CDK14: variants seen among roughly 807,000 people sequenced by gnomAD.
The protein encoded by CDK14 is cyclin dependent kinase 14, also known as cyclin-dependent kinase 14.
A neutral mutation model predicts 60.7 loss-of-function variants in CDK14; 34 were observed. The ratio of observed to expected loss-of-function variants is 0.56; its 90% confidence interval spans 0.43 to 0.75. The LOEUF (loss-of-function observed/expected upper bound fraction) is 0.75, where lower values mean the gene tolerates loss of function less well. Among genes scored for constraint, CDK14 ranks in the 30% least tolerant of loss-of-function variants. The pLI is 0.00. For synonymous variants in CDK14, 197 were observed against 203.7 expected (o/e 0.97, Z 0.28); for missense variants, 482 against 564.1 (o/e 0.85, Z 1.47).
chr7:91,124,340 C>T (rs543739748), intron 14 of CDK14, among the ~76,000 whole-genome samples: 39 of 152,250 alleles, frequency 2.6e-4, no homozygotes, highest in East Asian at 1.5e-3. Flanking sequence ...TAATTCTCTC[C>T]GCCATCACAT....
intron 2 of CDK14, among the ~76,000 whole-genome samples, chr7:90,649,436 T>TTTCTTTCTTTCTTTCC: frequency 7.4e-6 from 1 of 134,688 alleles, no homozygotes; most frequent in Non-Finnish European, 1.6e-5. Context: ...TTTCTTTCTC[T>TTTCTTTCTTTCTTTCC]TTCCTTCCTT....
intron 2 of CDK14, among the ~76,000 whole-genome samples, chr7:90,653,484 A>G (rs11563414): frequency 0.058 from 8,837 of 151,384 alleles, 364 homozygotes; most frequent in East Asian, 0.19. Context: ...TCTGGATCCT[A>G]GGAACCACTC....
intron 10 of CDK14, among the ~76,000 whole-genome samples, chr7:90,999,147 C>T (rs919047019): frequency 3.3e-5 from 5 of 152,006 alleles, no homozygotes; most frequent in East Asian, 3.9e-4. Context: ...GTCATCAACA[C>T]GTGAATTTGT....
intron 2 of CDK14, among the ~76,000 whole-genome samples, chr7:90,633,061 G>A (rs1478018296): frequency 2.0e-5 from 3 of 147,476 alleles, no homozygotes; most frequent in Admixed American, 6.9e-5. Flanking sequence ...GTGCTACTAC[G>A]CTCCAGCCTG....
At chr7:91,165,743 T>C (rs1801326365) in intron 14 of CDK14, among the ~76,000 whole-genome samples, 2 of 152,240 alleles carry the variant, frequency 1.3e-5, no homozygotes, top group African/African-American at 4.8e-5. Context: ...GAATGTCATC[T>C]TGCATTTGAA....
intron 8 of CDK14, among the ~76,000 whole-genome samples, chr7:90,937,119 A>G (rs1403223712): frequency 2.6e-5 from 4 of 152,148 alleles, no homozygotes; most frequent in Non-Finnish European, 4.4e-5. Context: ...AAACACATAA[A>G]TAAATAATTC....
At position 91,042,127 on chromosome 7, in the gene CDK14, G is replaced by A. The variant is rs1342141966; in HGVS notation, c.1042-3770G>A. 3.3e-5 allele frequency among the ~76,000 whole-genome samples: 5 copies of A among 152,266 alleles called. No individual in the cohort carries two copies. In the East Asian group the frequency reaches 7.7e-4, roughly 24 times the overall value. On this transcript the variant is annotated intron_variant, in intron 10 of 14. Transcript: ENST00000380050. ...CCTTGTACTGAAGCTACAAATAGAG[G>A]TAGGAGTTCAGCTGGCAAAATTAGG...
At chr7:90,904,922 C>A (rs191321501) in intron 7 of CDK14, among the ~76,000 whole-genome samples, 2 of 152,084 alleles carry the variant, frequency 1.3e-5, no homozygotes, top group African/African-American at 2.4e-5. Flanking sequence ...AATTTGGACA[C>A]AGAAGTATTT....
intron 5 of CDK14, chr7:90,824,863 TA>T (rs1296115466): frequency 6.6e-6 from 1 of 152,160 alleles, no homozygotes; most frequent in Non-Finnish European, 1.5e-5. Flanking sequence ...AAAATAGTAA[TA>T]AAAATAGACA....
intron 9 of CDK14, among the ~76,000 whole-genome samples, chr7:90,962,373 C>T (rs1794627313): frequency 6.6e-6 from 1 of 152,032 alleles, no homozygotes; most frequent in Admixed American, 6.6e-5. Context: ...GTAACCCCAG[C>T]TACTTGGGAG....
chr7:90,767,745 G>C (rs1804621609), intron 4 of CDK14, among the ~76,000 whole-genome samples: 1 of 151,968 alleles, frequency 6.6e-6, no homozygotes, highest in Non-Finnish European at 1.5e-5. Flanking sequence ...AAATAACATA[G>C]GAACTAATAT....
intron 6 of CDK14, among the ~76,000 whole-genome samples, chr7:90,891,984 A>G (rs1368668231): frequency 2.6e-5 from 4 of 152,244 alleles, no homozygotes; most frequent in Admixed American, 6.5e-5. Flanking sequence ...ACCTCACTTC[A>G]TGAATAATGT....
intron 5 of CDK14, among the ~76,000 whole-genome samples, chr7:90,847,483 A>G (rs1011345428): frequency 1.3e-5 from 2 of 152,124 alleles, no homozygotes; most frequent in Admixed American, 6.6e-5. Context: ...TAAACCACCA[A>G]TCTACCCATA....
intron 2 of CDK14, among the ~76,000 whole-genome samples, chr7:90,658,269 C>T (rs1184655913): frequency 1.3e-5 from 2 of 152,172 alleles, no homozygotes; most frequent in Non-Finnish European, 2.9e-5. Context: ...ATGTATTTCT[C>T]ATAGTCCTGG....
intron 4 of CDK14, among the ~76,000 whole-genome samples, chr7:90,759,664 TG>T (rs1033017135): frequency 6.6e-6 from 1 of 152,134 alleles, no homozygotes. Context: ...AAGTAGTGAG[TG>T]GGTATGAGTC....
At chr7:90,833,541 G>T (rs978901539) in intron 5 of CDK14, among the ~76,000 whole-genome samples, 1 of 152,138 alleles carries the variant, frequency 6.6e-6, no homozygotes, top group Non-Finnish European at 1.5e-5. Flanking sequence ...GAGAACAAAT[G>T]GCCCAGTTAG....
intron 6 of CDK14, among the ~76,000 whole-genome samples, chr7:90,888,933 A>T (rs913180532): frequency 6.6e-6 from 1 of 152,260 alleles, no homozygotes; most frequent in Non-Finnish European, 1.5e-5. Context: ...GCCAGAGGGC[A>T]TATAAATCAT....
intron 10 of CDK14, among the ~76,000 whole-genome samples, chr7:91,022,681 C>G (rs892589373): frequency 1.3e-5 from 2 of 152,196 alleles, no homozygotes; most frequent in African/African-American, 4.8e-5. Context: ...CATGTAAATG[C>G]AGTTATGGGC....
intron 14 of CDK14, among the ~76,000 whole-genome samples, chr7:91,194,252 A>G (rs1802462469): frequency 6.6e-6 from 1 of 152,208 alleles, no homozygotes; most frequent in East Asian, 1.9e-4. Context: ...TTGATTATGA[A>G]AATTATATAA....
Sources: allele counts gnomAD v4.1 joint callset (sites outside exome capture counted in the v4.1 genomes callset), GRCh38; gene constraint gnomAD v4.1.1; transcripts MANE v1.5; gene names NCBI Gene and HGNC (gene_info 2026-07-23, HGNC 2026-07-21).